The following ACCSL variants were observed in gnomAD, a reference collection of about 807,000 sequenced individuals.
ACCSL encodes probable inactive 1-aminocyclopropane-1-carboxylate synthase-like protein 2.
Under a neutral mutation model 61.7 loss-of-function variants are expected in ACCSL, and 55 were observed. That is an observed-to-expected ratio of 0.89 (90% CI 0.72 to 1.12). ACCSL has a LOEUF of 1.12. Among genes scored for constraint, ACCSL ranks in the 50% most tolerant of loss-of-function variants. The pLI is 0.00. For missense variants in ACCSL, 632 were observed against 698.0 expected (o/e 0.91, Z 1.07); for synonymous variants, 258 against 264.3 (o/e 0.98, Z 0.23).
Position 44,059,908 on chromosome 11 carries a change from A to C in ACCSL, c.1695A>C (p.Ala565=). Residue 565 remains alanine, a synonymous_variant, in exon 14 of 14, where the codon GCA becomes GCC. Transcript: ENST00000378832. The part of the protein sequence containing the change: ...EALIVKQLED[A]MRE ...TGATAGTGAAGCAGTTGGAGGATGC[A>C]ATGAGGGAGTAGGCCGTCTGCCTCC... 6.2e-7 allele frequency: 1 copy of C among 1,613,808 alleles called. No homozygotes were observed. Among genetic ancestry groups the C allele is most frequent in the Non-Finnish European group, 8.5e-7 (1 of 1,179,772 alleles).
At chr11:43,958,376 C>T in the ACCSL span, among the ~76,000 whole-genome samples, 2 of 152,204 alleles carry the variant, frequency 1.3e-5, no homozygotes, top group Admixed American at 6.5e-5. Flanking sequence ...AAGAGAACAG[C>T]TTCGACTCCC....
chr11:44,053,118 G>A lies in ACCSL; in HGVS notation c.948+50G>A, dbSNP rs142195468. On this transcript the variant is annotated intron_variant, in intron 7 of 13. Coordinates refer to ENST00000378832, the MANE Select transcript of ACCSL (RefSeq NM_001031854.2). ...GATGGCCACTGCTGGTCCTAAAAGG[G>A]GTTTGAGTATTGAAATTCTGGTACT... 2.0e-6 allele frequency: 3 copies of A among 1,521,692 alleles called. No individual in the cohort carries two copies. In the African/African-American group the frequency reaches 4.1e-5, roughly 21 times the overall value. The allele number at this position is 1,521,692 out of a possible 1,614,324, so 94.3% of individuals were successfully genotyped here. A position where few individuals can be genotyped will look rare whatever the true frequency, so the allele number is the denominator to read the frequency against.
chr11:43,934,069 C>T, the ACCSL span, among the ~76,000 whole-genome samples: 13 of 151,964 alleles, frequency 8.6e-5, no homozygotes, highest in African/African-American at 2.9e-4. Flanking sequence ...CCTCTCCCTC[C>T]CTCCCTCTCT....
At chr11:43,943,602 T>G in the ACCSL span, 1 of 1,308,180 alleles carries the variant, frequency 7.6e-7, no homozygotes, top group East Asian at 5.5e-5. This position sits in a 1 kb window ranked among gnomAD's most constrained non-coding sequence, Gnocchi z 4.8. Flanking sequence ...CTCCATGCCC[T>G]TGTCCGATGG....
chr11:44,048,050 C>T lies in ACCSL; in HGVS notation c.14C>T (p.Ser5Leu). ...GATACCCGGAGTATGAGTCATCGGTCAGACACCCTTCCTGTGCCCTCTGGT... is the reference window on the plus strand; with the variant it reads ...GATACCCGGAGTATGAGTCATCGGTTAGACACCCTTCCTGTGCCCTCTGGT... The part of the protein sequence containing the change: MSHR[S>L]DTLPVPSGQR... The change falls in exon 1 of 14, where the codon TCA becomes TTA. Residue 5 changes from serine to leucine, a missense_variant. Ser to Leu is a moderately radical substitution (Grantham distance 145, BLOSUM62 -2). Transcript: ENST00000378832. 3 of 1,610,640 alleles carry T rather than the reference C, an allele frequency of 1.9e-6. No individual in the cohort carries two copies.
chr11:43,993,065 G>C, the ACCSL span, among the ~76,000 whole-genome samples: 2 of 139,264 alleles, frequency 1.4e-5, no homozygotes, highest in South Asian at 4.9e-4. Context: ...TTGTGTGCTA[G>C]AGCGGAATCA....
At chr11:44,051,483 T>A in intron 4 of ACCSL, 79 bp downstream of exon 4, 1 of 1,578,654 alleles carries the variant, frequency 6.3e-7, no homozygotes, top group African/African-American at 1.3e-5. Context: ...TTCTAGGGGG[T>A]ACAAGGAGAA....
At chr11:44,004,381 C>T in the ACCSL span, among the ~76,000 whole-genome samples, 1 of 151,932 alleles carries the variant, frequency 6.6e-6, no homozygotes, top group African/African-American at 2.4e-5. Flanking sequence ...CCCAGGGACC[C>T]CCAAGAGCAA....
chr11:44,000,031 C>T, the ACCSL span, among the ~76,000 whole-genome samples: 17 of 152,196 alleles, frequency 1.1e-4, no homozygotes, highest in Admixed American at 1.1e-3. Flanking sequence ...GTAATCCCCT[C>T]ACTTTGGAAG....
chr11:43,931,213 G>A, the ACCSL span, among the ~76,000 whole-genome samples: 2 of 152,248 alleles, frequency 1.3e-5, no homozygotes, highest in African/African-American at 2.4e-5. Flanking sequence ...TCTGAGCAGC[G>A]TGAGGCCTTC....
At chr11:43,950,742 T>C in the ACCSL span, among the ~76,000 whole-genome samples, 1 of 152,174 alleles carries the variant, frequency 6.6e-6, no homozygotes, top group African/African-American at 2.4e-5. Context: ...GGATCCCAGA[T>C]CCCTGAATGA....
At chr11:43,992,481 A>G in the ACCSL span, among the ~76,000 whole-genome samples, 1 of 152,228 alleles carries the variant, frequency 6.6e-6, no homozygotes, top group African/African-American at 2.4e-5. Flanking sequence ...ATACCTTCCC[A>G]TAGTATATCA....
intron 9 of ACCSL, 72 bp from the exon 10 acceptor site, chr11:44,055,968 C>T (rs1292133406): frequency 1.9e-6 from 3 of 1,570,842 alleles, no homozygotes; most frequent in Non-Finnish European, 2.6e-6. Flanking sequence ...AATCTACTTT[C>T]CCCTCTTATA....
chr11:44,049,876 T>A, intron 1 of ACCSL, 186 bp from the exon 2 acceptor site: 1 of 698,316 alleles, frequency 1.4e-6, no homozygotes, highest in Non-Finnish European at 2.5e-6. Context: ...TATGTGGCTC[T>A]AATGGGGAAA....
chr11:44,048,354 A>G lies in ACCSL; in HGVS notation c.318A>G (p.Arg106=), dbSNP rs1590427593. The part of the protein sequence containing the change: ...LPSEDSRGDV[R]YGQRAQLSGQ... ...CTGAGGACTCTAGGGGTGATGTCAG[A>G]TATGGGCAGAGGGCCCAACTCTCTG... Residue 106 remains arginine, a synonymous_variant, in exon 1 of 14, where the codon AGA becomes AGG. Coordinates refer to ENST00000378832, the MANE Select transcript of ACCSL (RefSeq NM_001031854.2). The G allele has an allele frequency of 6.2e-7, 1 of 1,614,074 alleles. No homozygotes were observed. Among genetic ancestry groups the G allele is most frequent in the East Asian group, 2.2e-5 (1 of 44,866 alleles).
At chr11:44,003,151 A>G in the ACCSL span, among the ~76,000 whole-genome samples, 2 of 152,372 alleles carry the variant, frequency 1.3e-5, no homozygotes, top group African/African-American at 4.8e-5. Context: ...GTTTTTAAAA[A>G]GAATGAGGAG....
chr11:43,943,481 G>A, the ACCSL span: 20 of 1,399,838 alleles, frequency 1.4e-5, no homozygotes, highest in Non-Finnish European at 1.9e-5. This position sits in a 1 kb window ranked among gnomAD's most constrained non-coding sequence, Gnocchi z 4.8. Context: ...CGGGAGCGGG[G>A]CCGCTTTCCT....
chr11:43,929,563 C>T, the ACCSL span, among the ~76,000 whole-genome samples: 2 of 152,092 alleles, frequency 1.3e-5, no homozygotes, highest in Non-Finnish European at 2.9e-5. Context: ...CCTGCCACCA[C>T]GCCCGGCTCA....
chr11:44,025,149 C>A, the ACCSL span, among the ~76,000 whole-genome samples: 1 of 152,094 alleles, frequency 6.6e-6, no homozygotes, highest in Non-Finnish European at 1.5e-5. Flanking sequence ...AGTATTTAAT[C>A]CATTTACATT....
Sources: allele counts gnomAD v4.1 joint callset (sites outside exome capture counted in the v4.1 genomes callset), GRCh38; gene constraint gnomAD v4.1.1; non-coding constraint Gnocchi (gnomAD v3.1); transcripts MANE v1.5; gene names NCBI Gene and HGNC (gene_info 2026-07-23, HGNC 2026-07-21).